The following CATSPERT variants were observed in gnomAD, a reference collection of about 807,000 sequenced individuals.
CATSPERT encodes cation channel sperm-associated targeting subunit tau.
At chr2:201,596,022 C>G in the CATSPERT span, among the ~76,000 whole-genome samples, 1 of 151,934 alleles carries the variant, frequency 6.6e-6, no homozygotes, top group Non-Finnish European at 1.5e-5. Context: ...TGTGGTGATT[C>G]CTCAAAGACC....
At chr2:201,501,455 A>C in the CATSPERT span, among the ~76,000 whole-genome samples, 3 of 151,602 alleles carry the variant, frequency 2.0e-5, no homozygotes, top group African/African-American at 7.3e-5. Flanking sequence ...CTTTATGTTA[A>C]GGAACTATGT....
the CATSPERT span, among the ~76,000 whole-genome samples, chr2:201,592,694 C>G: frequency 1.3e-5 from 2 of 152,024 alleles, no homozygotes; most frequent in African/African-American, 4.8e-5. Context: ...TCAACTTCTT[C>G]CTGGTTTAGT....
At chr2:201,612,847 C>T in the CATSPERT span, among the ~76,000 whole-genome samples, 2 of 152,182 alleles carry the variant, frequency 1.3e-5, no homozygotes. Context: ...GGGACACTCC[C>T]ACCCTAATAC....
chr2:201,593,589 C>A, the CATSPERT span, among the ~76,000 whole-genome samples: 2 of 122,598 alleles, frequency 1.6e-5, no homozygotes, highest in African/African-American at 3.0e-5. Flanking sequence ...GTTAAAGTTT[C>A]CCATTATTAA....
the CATSPERT span, chr2:201,618,886 C>A: frequency 1.2e-6 from 2 of 1,612,684 alleles, no homozygotes; most frequent in Non-Finnish European, 1.7e-6. Flanking sequence ...CCGGCCAGGC[C>A]CCCGCTCACT....
chr2:201,534,469 A>C, the CATSPERT span: 2 of 985,292 alleles, frequency 2.0e-6, no homozygotes, highest in Non-Finnish European at 2.4e-6. Flanking sequence ...ACTACAAACT[A>C]TGTGCCCATA....
the CATSPERT span, among the ~76,000 whole-genome samples, chr2:201,507,422 A>G: frequency 2.6e-5 from 4 of 152,212 alleles, no homozygotes; most frequent in Admixed American, 6.5e-5. Flanking sequence ...CTATAATTCA[A>G]TGCAACCCCA....
chr2:201,610,535 C>T, the CATSPERT span, among the ~76,000 whole-genome samples: 8 of 151,842 alleles, frequency 5.3e-5, no homozygotes, highest in South Asian at 2.1e-4. Context: ...ACCAAACTCT[C>T]GAAGAAGAAC....
the CATSPERT span, chr2:201,545,454 C>A: frequency 2.2e-6 from 2 of 898,032 alleles, no homozygotes; most frequent in Non-Finnish European, 1.7e-6. Context: ...CAGAAATCTA[C>A]TTAAAGCAAA....
At chr2:201,535,258 G>T in the CATSPERT span, 2 of 984,960 alleles carry the variant, frequency 2.0e-6, no homozygotes, top group African/African-American at 1.7e-5. Flanking sequence ...AGATGCCCAA[G>T]CTAGTATTTA....
chr2:201,501,860 G>A, the CATSPERT span, among the ~76,000 whole-genome samples: 1 of 152,154 alleles, frequency 6.6e-6, no homozygotes, highest in Admixed American at 6.5e-5. Context: ...TAGACAATTT[G>A]AATAGACTTA....
At chr2:201,552,822 A>C in the CATSPERT span, 1 of 152,314 alleles carries the variant, frequency 6.6e-6, no homozygotes, top group South Asian at 2.1e-4. Context: ...CCCCAATTCA[A>C]GCTTATGATT....
chr2:201,525,113 C>T, the CATSPERT span, among the ~76,000 whole-genome samples: 2 of 152,116 alleles, frequency 1.3e-5, no homozygotes, highest in African/African-American at 2.4e-5. Context: ...CCAAGTGGAC[C>T]TAACGGACAT....
chr2:201,567,856 A>T, the CATSPERT span, among the ~76,000 whole-genome samples: 2 of 152,296 alleles, frequency 1.3e-5, no homozygotes, highest in African/African-American at 2.4e-5. Flanking sequence ...ACGTCATTAG[A>T]TCTGTTGCAT....
At chr2:201,616,879 T>C in the CATSPERT span, among the ~76,000 whole-genome samples, 1 of 152,178 alleles carries the variant, frequency 6.6e-6, no homozygotes, top group African/African-American at 2.4e-5. Flanking sequence ...ACAAAATCAA[T>C]GTGCAAAAAT....
At chr2:201,505,288 C>T in the CATSPERT span, among the ~76,000 whole-genome samples, 1 of 152,092 alleles carries the variant, frequency 6.6e-6, no homozygotes, top group Non-Finnish European at 1.5e-5. Flanking sequence ...ACCACGTTGG[C>T]CAGGCTGGTC....
the CATSPERT span, among the ~76,000 whole-genome samples, chr2:201,617,420 C>T: frequency 0.13 from 19,498 of 152,090 alleles, 2,395 homozygotes; most frequent in African/African-American, 0.33. Flanking sequence ...TACAACCATC[C>T]GATCTTTGAC....
the CATSPERT span, among the ~76,000 whole-genome samples, chr2:201,532,188 T>TA: frequency 1.1e-3 from 172 of 152,328 alleles, no homozygotes; most frequent in Non-Finnish European, 2.1e-3. Context: ...CTTAACAGTT[T>TA]AGAGGTGCCA....
At chr2:201,504,867 G>A in the CATSPERT span, among the ~76,000 whole-genome samples, 1 of 152,342 alleles carries the variant, frequency 6.6e-6, no homozygotes, top group Admixed American at 6.5e-5. Flanking sequence ...ACACAAGTCA[G>A]AGAAGAGATA....
Sources: gnomAD v4.1 joint callset for allele counts (sites outside exome capture counted in the v4.1 genomes callset) on GRCh38, gnomAD v4.1.1 for gene constraint, MANE v1.5 for transcripts, NCBI Gene and HGNC (gene_info 2026-07-23, HGNC 2026-07-21) for gene names.